Variants in SLC9A9 observed in about 807,000 individuals in gnomAD.
SLC9A9 encodes solute carrier family 9 member A9, also known as sodium/hydrogen exchanger 9.
A neutral mutation model predicts 77.8 loss-of-function variants in SLC9A9; 62 were observed. The observed-to-expected ratio is 0.80, with a 90% CI of 0.65 to 0.98. The LOEUF is 0.98. Ranked by LOEUF, SLC9A9 falls within the 50% of genes least tolerant of loss-of-function variation. The pLI is 0.00. For synonymous variants in SLC9A9, 320 were observed against 283.5 expected, an observed-to-expected ratio of 1.13 and a Z score of -1.29; for missense variants, 775 against 774.9, an observed-to-expected ratio of 1.00 and a Z score of 0.00.
At chr3:143,509,080 A>G (rs985664512) in intron 9 of SLC9A9, among the ~76,000 whole-genome samples, 4 of 152,220 alleles carry the variant, frequency 2.6e-5, no homozygotes, top group Non-Finnish European at 4.4e-5. Context: ...TCTATGGCAG[A>G]GTGGACTATG....
At chr3:143,587,868 T>C (rs181891728) in intron 6 of SLC9A9, among the ~76,000 whole-genome samples, 1 of 151,708 alleles carries the variant, frequency 6.6e-6, no homozygotes, top group East Asian at 1.9e-4. Flanking sequence ...TAAAGTAGAG[T>C]AGTGAAGAAA....
At chr3:143,536,094 G>C (rs897647862) in intron 9 of SLC9A9, among the ~76,000 whole-genome samples, 9 of 152,170 alleles carry the variant, frequency 5.9e-5, no homozygotes, top group African/African-American at 2.2e-4. Flanking sequence ...GGTTCCTATA[G>C]ATTCTATACC....
intron 5 of SLC9A9, among the ~76,000 whole-genome samples, chr3:143,655,190 C>T (rs957252821): frequency 5.9e-5 from 9 of 152,222 alleles, no homozygotes; most frequent in African/African-American, 2.2e-4. Flanking sequence ...ATTTAATTAG[C>T]TCCCTGGCAG....
At chr3:143,329,273 G>A (rs760390962) in intron 14 of SLC9A9, among the ~76,000 whole-genome samples, 1 of 152,130 alleles carries the variant, frequency 6.6e-6, no homozygotes, top group African/African-American at 2.4e-5. Flanking sequence ...TGGAGGTGGC[G>A]GTAGGGGAGT....
At chr3:143,734,732 C>CAAA (rs532314682) in intron 4 of SLC9A9, among the ~76,000 whole-genome samples, 1 of 66,144 alleles carries the variant, frequency 1.5e-5, no homozygotes, top group Non-Finnish European at 3.3e-5. Flanking sequence ...GACTCCATCT[C>CAAA]AAAAAAAAAA....
chr3:143,683,840 T>C (rs1301742258), intron 5 of SLC9A9, among the ~76,000 whole-genome samples: 1 of 152,116 alleles, frequency 6.6e-6, no homozygotes, highest in Non-Finnish European at 1.5e-5. Context: ...TGAATATAGT[T>C]GGTCACGGGA....
intron 6 of SLC9A9, among the ~76,000 whole-genome samples, chr3:143,592,066 C>G (rs2037653446): frequency 6.6e-6 from 1 of 152,202 alleles, no homozygotes; most frequent in African/African-American, 2.4e-5. Flanking sequence ...ATCACCTTCT[C>G]TATGTGGTCC....
chr3:143,459,436 C>T (rs989951505), intron 12 of SLC9A9, among the ~76,000 whole-genome samples: 45 of 152,220 alleles, frequency 3.0e-4, no homozygotes, highest in African/African-American at 1.0e-3. Flanking sequence ...CAGATTTTGT[C>T]CAGAATGCAA....
At position 143,456,873 on chromosome 3, in the gene SLC9A9, T is replaced by G. The variant is rs56803728; in HGVS notation, c.1469+10164A>C. ...CCACTGTGCCTGGCCAATTCTATAT[T>G]TTTAATAGATACAGGATGATTCAGT... On this transcript the variant is annotated intron_variant, in intron 12 of 15. Coordinates refer to ENST00000316549, the MANE Select transcript of SLC9A9 (RefSeq NM_173653.4). Among the ~76,000 whole-genome samples the G allele has an allele frequency of 8.9e-3, 1,362 of 152,296 alleles. 26 individuals are homozygous for G. Among genetic ancestry groups the G allele is most frequent in the African/African-American group, 0.031 (1,296 of 41,556 alleles).
At chr3:143,738,696 C>T (rs1935002374) in intron 4 of SLC9A9, among the ~76,000 whole-genome samples, 2 of 152,156 alleles carry the variant, frequency 1.3e-5, no homozygotes, top group Non-Finnish European at 2.9e-5. Context: ...ACCCAGGACA[C>T]TTGTAGTTCT....
chr3:143,649,772 T>G lies in SLC9A9; in HGVS notation c.755+2483A>C, dbSNP rs371513723. On this transcript the variant is annotated intron_variant, in intron 6 of 15. Transcript: ENST00000316549. ...GCTCTGGGGGCTTGGCCAAGGGCTA[T>G]AGTCATTAATAATTGGGTTGCACAT... Among the ~76,000 whole-genome samples the G allele has an allele frequency of 1.6e-3, 246 of 152,288 alleles. 1 individual carries two copies. Among genetic ancestry groups the G allele is most frequent in the African/African-American group, 5.8e-3 (242 of 41,544 alleles).
At chr3:143,632,765 C>T (rs990959740) in intron 6 of SLC9A9, among the ~76,000 whole-genome samples, 8 of 152,144 alleles carry the variant, frequency 5.3e-5, no homozygotes, top group Non-Finnish European at 1.0e-4. Context: ...GAAGTCCACA[C>T]GTTAAGTGAT....
At chr3:143,360,475 GTACACTTGTGTTGTTA>G (rs1401184321) in intron 14 of SLC9A9, among the ~76,000 whole-genome samples, 13 of 152,158 alleles carry the variant, frequency 8.5e-5, no homozygotes, top group Non-Finnish European at 1.9e-4. Flanking sequence ...CCAATCAGTA[GTACACTTGTGTTGTTA>G]TATCTCTAGA....
intron 6 of SLC9A9, among the ~76,000 whole-genome samples, chr3:143,610,476 C>T (rs969148659): frequency 1.3e-5 from 2 of 152,154 alleles, no homozygotes; most frequent in African/African-American, 4.8e-5. Context: ...GCTTATTTTT[C>T]CAGGTGAACT....
At chr3:143,584,809 C>A (rs1025003658) in intron 6 of SLC9A9, among the ~76,000 whole-genome samples, 1 of 152,176 alleles carries the variant, frequency 6.6e-6, no homozygotes, top group Non-Finnish European at 1.5e-5. Context: ...TAAAACTTAG[C>A]GCAGCCCAAC....
intron 4 of SLC9A9, among the ~76,000 whole-genome samples, chr3:143,763,800 C>G (rs2007215583): frequency 6.6e-6 from 1 of 151,200 alleles, no homozygotes; most frequent in Non-Finnish European, 1.5e-5. Flanking sequence ...AAGGTGAGAA[C>G]TCTGTTGTAA....
At chr3:143,807,473 C>G (rs1303367733) in intron 2 of SLC9A9, among the ~76,000 whole-genome samples, 1 of 151,700 alleles carries the variant, frequency 6.6e-6, no homozygotes, top group African/African-American at 2.4e-5. Flanking sequence ...GAAAAACAAA[C>G]CATTTTATTT....
At chr3:143,321,772 G>T (rs1346076064) in intron 14 of SLC9A9, among the ~76,000 whole-genome samples, 1 of 152,160 alleles carries the variant, frequency 6.6e-6, no homozygotes, top group African/African-American at 2.4e-5. Flanking sequence ...AATATCAATG[G>T]TTCTTGGTTC....
intron 4 of SLC9A9, among the ~76,000 whole-genome samples, chr3:143,753,982 A>C (rs193260315): frequency 6.7e-6 from 1 of 148,194 alleles, no homozygotes; most frequent in East Asian, 2.1e-4. Context: ...CCTACAATCA[A>C]GCATGTCTGG....
Sources: allele counts gnomAD v4.1 joint callset (sites outside exome capture counted in the v4.1 genomes callset), GRCh38; gene constraint gnomAD v4.1.1; transcripts MANE v1.5; gene names NCBI Gene and HGNC (gene_info 2026-07-23, HGNC 2026-07-21).